Variants in USP8 observed in about 807,000 individuals in gnomAD.
The protein encoded by USP8 is ubiquitin carboxyl-terminal hydrolase 8.
In USP8, 27 loss-of-function variants were observed where a neutral mutation model predicts 130.0. That is an observed-to-expected ratio of 0.21 (90% CI 0.15 to 0.29). The LOEUF (loss-of-function observed/expected upper bound fraction) is 0.29. USP8 is among the 10% of genes least tolerant of loss of function. The pLI, the probability that USP8 is intolerant of heterozygous loss-of-function variation, is 1.00. For missense variants in USP8, 1,029 were observed against 1,312.2 expected, an observed-to-expected ratio of 0.78 and a Z score of 3.33; for synonymous variants, 392 against 444.1, an observed-to-expected ratio of 0.88 and a Z score of 1.48.
At position 50,505,013 on chromosome 15, in the gene USP8, T is replaced by A. The variant is rs2052640214; in HGVS notation, c.*5925T>A. 1 of 148,786 alleles carries A rather than the reference T, an allele frequency of 6.7e-6. No individual in the cohort carries two copies. Among genetic ancestry groups the A allele is most frequent in the South Asian group, 2.1e-4 (1 of 4,702 alleles). 9.2% of individuals were successfully genotyped at this position (148,786 alleles called of 1,614,324 possible). A position where few individuals can be genotyped will look rare whatever the true frequency, so the allele number is the denominator to read the frequency against. On this transcript the variant is annotated 3_prime_UTR_variant, in exon 20 of 20. Coordinates refer to ENST00000307179, the MANE Select transcript of USP8 (RefSeq NM_005154.5). ...AAAAAAAAAAGAATAAACTATAAAA[T>A]GAAGTTGGGGAAATTAGCAAGAATG...
At chr15:50,433,870 G>A (rs1015416196) in intron 1 of USP8, among the ~76,000 whole-genome samples, 4 of 152,224 alleles carry the variant, frequency 2.6e-5, no homozygotes, top group Non-Finnish European at 5.9e-5. Flanking sequence ...CTCCCAAAGT[G>A]TTGGGATTAC....
At position 50,510,380 on chromosome 15, in the gene USP8, A is replaced by G. The variant is rs1020192162; in HGVS notation, c.*11292A>G. 4 of 152,208 alleles carry G rather than the reference A, an allele frequency of 2.6e-5. No homozygotes were observed. In the South Asian group the frequency reaches 8.3e-4, roughly 32 times the overall value. The allele number at this position is 152,208 out of a possible 1,614,324, so 9.4% of individuals were successfully genotyped here. A position where few individuals can be genotyped will look rare whatever the true frequency, so the allele number is the denominator to read the frequency against. On this transcript the variant is annotated 3_prime_UTR_variant, in exon 20 of 20. Coordinates refer to ENST00000307179, the MANE Select transcript of USP8 (RefSeq NM_005154.5). Reference sequence around the variant, plus strand: ...AAAGATTGATGTTCCAACCAAATTAAAACTTGATTGTCAGCAATTACAATA... The same window carrying G: ...AAAGATTGATGTTCCAACCAAATTAGAACTTGATTGTCAGCAATTACAATA...
chr15:50,476,266 G>A (rs1013163582), intron 8 of USP8, among the ~76,000 whole-genome samples: 7 of 152,056 alleles, frequency 4.6e-5, no homozygotes, highest in Non-Finnish European at 8.8e-5. Flanking sequence ...CCCAGCTCAC[G>A]AAAAGTACAA....
intron 4 of USP8, among the ~76,000 whole-genome samples, chr15:50,450,504 T>G (rs1202215868): frequency 1.5e-5 from 2 of 137,122 alleles, no homozygotes; most frequent in African/African-American, 5.3e-5. Flanking sequence ...GAGTTTTGCC[T>G]CTTGTTTCCC....
At chr15:50,462,433 T>TA in intron 6 of USP8, 111 bp downstream of exon 6, 1 of 899,476 alleles carries the variant, frequency 1.1e-6, no homozygotes, top group Non-Finnish European at 1.6e-6. Context: ...GTCTAATCTC[T>TA]ATGTAAGCTT....
chr15:50,461,638 A>G (rs2051009733), intron 5 of USP8, among the ~76,000 whole-genome samples: 1 of 152,072 alleles, frequency 6.6e-6, no homozygotes, highest in African/African-American at 2.4e-5. Flanking sequence ...GCATATCACA[A>G]GGTCAAGAGA....
Position 50,514,294 on chromosome 15 carries a change from TTC to T in USP8, c.*15208_*15209del, listed in dbSNP as rs1225847433. 4 of 152,172 alleles carry T rather than the reference TTC, an allele frequency of 2.6e-5. No individual in the cohort carries two copies. Among genetic ancestry groups the T allele is most frequent in the African/African-American group, 7.2e-5 (3 of 41,448 alleles). The allele number at this position is 152,172 out of a possible 1,614,324, so 9.4% of individuals were successfully genotyped here. On this transcript the variant is annotated 3_prime_UTR_variant, in exon 20 of 20. Transcript: ENST00000307179. The stretch of plus-strand genomic sequence containing the variant: ...AAGCACAGTTAGGGTGCTGGTAACA[TTC>T]TGTTTAAACTCTGTTCTGCTGGTTA...
intron 6 of USP8, among the ~76,000 whole-genome samples, chr15:50,463,869 A>G (rs552766968): frequency 6.6e-6 from 1 of 152,230 alleles, no homozygotes; most frequent in Non-Finnish European, 1.5e-5. Flanking sequence ...AGCTAAGGAA[A>G]AATAGTAACA....
intron 1 of USP8, 171 bp downstream of exon 1, chr15:50,424,685 A>C (rs1221992992): frequency 2.5e-6 from 1 of 394,462 alleles, no homozygotes; most frequent in African/African-American, 2.1e-5. Context: ...GGAAAGGCCC[A>C]ACCTTGAGTC....
At chr15:50,436,104 C>T (rs1210884443) in intron 1 of USP8, among the ~76,000 whole-genome samples, 1 of 151,994 alleles carries the variant, frequency 6.6e-6, no homozygotes. Flanking sequence ...AATCACTTAC[C>T]TCCCTACTTC....
At chr15:50,484,423 G>A (rs1172895397) in intron 12 of USP8, 62 bp downstream of exon 12, 2 of 1,288,528 alleles carry the variant, frequency 1.6e-6, no homozygotes, top group Middle Eastern at 2.0e-4. Flanking sequence ...ATAACTATGT[G>A]ATTATCTTAC....
intron 12 of USP8, among the ~76,000 whole-genome samples, chr15:50,484,622 C>T (rs931119318): frequency 1.3e-5 from 2 of 152,100 alleles, no homozygotes; most frequent in African/African-American, 2.4e-5. Flanking sequence ...TAGGCCTTAC[C>T]ATATGATCCA....
chr15:50,492,680 T>C (rs2052222012), intron 14 of USP8, 21 bp from the exon 15 acceptor site: 1 of 1,608,614 alleles, frequency 6.2e-7, no homozygotes, highest in Non-Finnish European at 8.5e-7. Flanking sequence ...TAAGACATCT[T>C]GTATCCTTTT....
In USP8 at chr15:50,492,759, C is replaced by G; in HGVS notation, c.2293C>G (p.Leu765Val). ...GCTTTCTGCTTCTCAGATTCGGAAC[C>G]TCAATCCTGTTTTTGGAGGTTCTGG... is the stretch of plus-strand genomic sequence containing the variant. ...SRLSASQIRN[L>V]NPVFGGSGPA... The change falls in exon 15 of 20, where the codon CTC (leucine) becomes GTC (valine). Residue 765 changes from leucine (L) to valine (V), a missense_variant. Transcript: ENST00000307179. 1 of 1,614,126 alleles carries G rather than the reference C, an allele frequency of 6.2e-7. No individual in the cohort carries two copies. The highest frequency in any genetic ancestry group is 8.5e-7 in the Non-Finnish European group (1 of 1,180,018).
intron 7 of USP8, 138 bp from the exon 8 acceptor site, chr15:50,471,494 TA>T: frequency 1.2e-6 from 1 of 806,054 alleles, no homozygotes; most frequent in Non-Finnish European, 1.9e-6. Flanking sequence ...TCTTAATATA[TA>T]ACCTCACCTT....
chr15:50,458,180 C>G (rs1326266369), intron 4 of USP8, among the ~76,000 whole-genome samples: 2 of 152,118 alleles, frequency 1.3e-5, no homozygotes, highest in Admixed American at 1.3e-4. Context: ...GAGATGGAGT[C>G]TCACTCTGTT....
At chr15:50,495,489 G>C (rs562538972) in intron 16 of USP8, among the ~76,000 whole-genome samples, 3 of 147,346 alleles carry the variant, frequency 2.0e-5, no homozygotes, top group East Asian at 4.0e-4. Flanking sequence ...AGATTGGAGG[G>C]GGGGGTCTCA....
chr15:50,469,334 T>C (rs2051300496), intron 7 of USP8, among the ~76,000 whole-genome samples: 1 of 152,118 alleles, frequency 6.6e-6, no homozygotes, highest in African/African-American at 2.4e-5. Context: ...AGAGCAGAGT[T>C]GGAGCAGATT....
chr15:50,496,220 C>A, intron 17 of USP8, 136 bp downstream of exon 17: 1 of 673,778 alleles, frequency 1.5e-6, no homozygotes, highest in South Asian at 2.0e-5. Flanking sequence ...GTGGCTCATA[C>A]CTTGTACTCC....
Sources: gnomAD v4.1 joint callset for allele counts (sites outside exome capture counted in the v4.1 genomes callset) on GRCh38, gnomAD v4.1.1 for gene constraint, MANE v1.5 for transcripts, NCBI Gene and HGNC (gene_info 2026-07-23, HGNC 2026-07-21) for gene names.